KCTD3: variants seen among roughly 807,000 people sequenced by gnomAD.
KCTD3 encodes BTB/POZ domain-containing protein KCTD3.
KCTD3 carries 41 observed loss-of-function variants against 85.8 expected under a neutral mutation model. That is an observed-to-expected ratio of 0.48 (90% CI 0.37 to 0.62). The LOEUF is 0.62. Ranked by LOEUF, KCTD3 falls within the 20% of genes least tolerant of loss-of-function variation. The pLI is 0.00. For missense variants in KCTD3, 724 were observed against 989.9 expected, an observed-to-expected ratio of 0.73 and a Z score of 3.60; for synonymous variants, 338 against 345.4, an observed-to-expected ratio of 0.98 and a Z score of 0.24.
At chr1:215,573,012 T>G (rs1320097947) in intron 1 of KCTD3, among the ~76,000 whole-genome samples, 1 of 152,164 alleles carries the variant, frequency 6.6e-6, no homozygotes, top group East Asian at 1.9e-4. Context: ...AAATTATTGG[T>G]TTGTTGTCCC....
At chr1:215,612,703 G>A (rs569106331) in intron 15 of KCTD3, among the ~76,000 whole-genome samples, 4 of 151,998 alleles carry the variant, frequency 2.6e-5, no homozygotes, top group Non-Finnish European at 5.9e-5. Flanking sequence ...CCTTATCCCA[G>A]TTTCTTTATA....
At chr1:215,602,239 T>C in intron 12 of KCTD3, 38 bp downstream of exon 12, 1 of 1,023,922 alleles carries the variant, frequency 9.8e-7, no homozygotes. Flanking sequence ...CTTGACTTTT[T>C]ATCTTTTTAT....
chr1:215,583,935 A>C (rs999797300), intron 8 of KCTD3, among the ~76,000 whole-genome samples: 3 of 152,232 alleles, frequency 2.0e-5, no homozygotes, highest in African/African-American at 7.2e-5. Flanking sequence ...CACAAAGAGA[A>C]CAACAGCAGT....
chr1:215,597,826 A>G (rs1654661893), intron 10 of KCTD3, among the ~76,000 whole-genome samples: 1 of 152,052 alleles, frequency 6.6e-6, no homozygotes, highest in Non-Finnish European at 1.5e-5. Context: ...ACCTCTGCAT[A>G]TTAGGAATAG....
chr1:215,586,481 T>C lies in KCTD3; in HGVS notation c.627-14T>C. Reference sequence around the variant, plus strand: ...CTGCTGAGTCTACCTTATGTGCCTGTTCTTCCTTAACAGAATCAAAGAATC... The same window carrying C: ...CTGCTGAGTCTACCTTATGTGCCTGCTCTTCCTTAACAGAATCAAAGAATC... On this transcript the variant is annotated splice_polypyrimidine_tract_variant and intron_variant, in intron 8 of 17. Coordinates refer to ENST00000259154, the MANE Select transcript of KCTD3 (RefSeq NM_016121.5). The C allele has an allele frequency of 6.2e-7, 1 of 1,600,216 alleles. No individual in the cohort carries two copies. Among genetic ancestry groups the C allele is most frequent in the East Asian group, 2.2e-5 (1 of 44,522 alleles).
chr1:215,613,984 G>A (rs1037161227), intron 15 of KCTD3, among the ~76,000 whole-genome samples: 3 of 146,868 alleles, frequency 2.0e-5, no homozygotes, highest in Admixed American at 6.8e-5. Context: ...ATTTTATTTG[G>A]GCTCTTTTTT....
intron 17 of KCTD3, 58 bp from the exon 18 acceptor site, chr1:215,619,999 G>A (rs1655603443): frequency 7.8e-7 from 1 of 1,285,922 alleles, no homozygotes; most frequent in Non-Finnish European, 1.1e-6. Flanking sequence ...TAATTAATAT[G>A]TTCCTGAGAA....
intron 2 of KCTD3, 88 bp downstream of exon 2, chr1:215,573,927 A>G (rs1659468575): frequency 9.5e-7 from 1 of 1,056,830 alleles, no homozygotes; most frequent in Non-Finnish European, 1.4e-6. Context: ...TTTTTAATAA[A>G]AAAGGTTAAC....
At chr1:215,604,919 A>C (rs1654956857) in intron 13 of KCTD3, among the ~76,000 whole-genome samples, 1 of 151,810 alleles carries the variant, frequency 6.6e-6, no homozygotes, top group African/African-American at 2.4e-5. Context: ...CATAATATAA[A>C]ATTTTTAATT....
intron 14 of KCTD3, among the ~76,000 whole-genome samples, chr1:215,610,991 A>T (rs1207138701): frequency 6.6e-6 from 1 of 151,890 alleles, no homozygotes; most frequent in Non-Finnish European, 1.5e-5. Context: ...TTTATTGTAA[A>T]TCTTTTTACA....
intron 8 of KCTD3, among the ~76,000 whole-genome samples, chr1:215,585,276 G>A (rs1031766196): frequency 6.6e-6 from 1 of 152,164 alleles, no homozygotes; most frequent in Admixed American, 6.5e-5. Flanking sequence ...GGTGGCTGAA[G>A]AGGGTGGTTA....
Position 215,574,112 on chromosome 1 carries a change from T to A in KCTD3, c.177T>A (p.Thr59=). The change falls in exon 3 of 18, where the codon ACT becomes ACA. Residue 59 remains threonine, a synonymous_variant. Transcript: ENST00000259154. ...GAATTTCAACACTTCGAGATGAAAC[T>A]GGTGCTGTGAGTATAATAATAATTG... is the stretch of plus-strand genomic sequence containing the variant. ...SGRISTLRDE[T]GAIFIDRDPA... 6.3e-7 allele frequency: 1 copy of A among 1,577,942 alleles called. No individual in the cohort carries two copies. Among genetic ancestry groups the A allele is most frequent in the East Asian group, 2.2e-5 (1 of 44,510 alleles).
At chr1:215,570,099 G>T (rs1471349412) in intron 1 of KCTD3, among the ~76,000 whole-genome samples, 1 of 152,154 alleles carries the variant, frequency 6.6e-6, no homozygotes, top group Non-Finnish European at 1.5e-5. Context: ...CACTGTAAGA[G>T]AAAAATCCTG....
At chr1:215,609,441 C>T (rs929856844) in intron 14 of KCTD3, among the ~76,000 whole-genome samples, 6 of 151,906 alleles carry the variant, frequency 3.9e-5, no homozygotes, top group Non-Finnish European at 5.9e-5. Context: ...AGTGCCGGAT[C>T]GTGGAAGGCA....
At position 215,586,657 on chromosome 1, in the gene KCTD3, T is replaced by G; in HGVS notation, c.789T>G (p.Val263=). 1 of 1,613,372 alleles carries G rather than the reference T, an allele frequency of 6.2e-7. No homozygotes were observed. The highest frequency in any genetic ancestry group is 8.5e-7 in the Non-Finnish European group (1 of 1,179,598). The part of the protein sequence containing the change: ...ASESSIILWS[V]QDGGSGSEIG... Reference sequence around the variant, plus strand: ...AGAGTAGCATCATCTTGTGGAGTGTTCAGGATGGGGGAAGTGGAAGTGAAA... The same window carrying G: ...AGAGTAGCATCATCTTGTGGAGTGTGCAGGATGGGGGAAGTGGAAGTGAAA... Residue 263 remains valine (V), a synonymous_variant, in exon 9 of 18, where the codon GTT becomes GTG. Transcript: ENST00000259154.
At position 215,573,776 on chromosome 1, in the gene KCTD3, T is replaced by A. The variant is rs373290742; in HGVS notation, c.84-10T>A. ...TCTCACTTATAATACCAGATGATTT[T>A]TAATTGCAGATTTAGTACCTCAAGA... is the stretch of plus-strand genomic sequence containing the variant. On this transcript the variant is annotated splice_polypyrimidine_tract_variant and intron_variant, in intron 1 of 17. Transcript: ENST00000259154. 6.5e-7 allele frequency: 1 copy of A among 1,539,284 alleles called. No individual in the cohort carries two copies. Among genetic ancestry groups the A allele is most frequent in the African/African-American group, 1.4e-5 (1 of 72,670 alleles).
chr1:215,577,757 A>G, intron 5 of KCTD3, 29 bp downstream of exon 5: 2 of 1,497,254 alleles, frequency 1.3e-6, no homozygotes, highest in Admixed American at 1.7e-5. Flanking sequence ...TTTGGTGTTT[A>G]TGATTTGACT....
At chr1:215,568,968 T>G (rs1165257273) in intron 1 of KCTD3, among the ~76,000 whole-genome samples, 1 of 152,080 alleles carries the variant, frequency 6.6e-6, no homozygotes, top group Non-Finnish European at 1.5e-5. Flanking sequence ...AAAATCACGT[T>G]AAAATATTGG....
At chr1:215,571,536 G>T (rs1474509294) in intron 1 of KCTD3, among the ~76,000 whole-genome samples, 3 of 151,934 alleles carry the variant, frequency 2.0e-5, no homozygotes, top group Non-Finnish European at 4.4e-5. Context: ...TTTAATAAAT[G>T]AATTGTTTTA....
Sources: gnomAD v4.1 joint callset for allele counts (sites outside exome capture counted in the v4.1 genomes callset) on GRCh38, gnomAD v4.1.1 for gene constraint, MANE v1.5 for transcripts, NCBI Gene and HGNC (gene_info 2026-07-23, HGNC 2026-07-21) for gene names.